Variants in CYP4F12 observed in about 807,000 individuals in gnomAD.
CYP4F12 encodes cytochrome P450 4F12.
In CYP4F12, 60 loss-of-function variants were observed where a neutral mutation model predicts 56.5. That is an observed-to-expected ratio of 1.06 (90% CI 0.86 to 1.32). The LOEUF (loss-of-function observed/expected upper bound fraction) is 1.32, where lower values mean the gene tolerates loss of function less well. Among genes scored for constraint, CYP4F12 ranks in the 40% most tolerant of loss-of-function variants. CYP4F12 has a pLI of 0.00. For synonymous variants in CYP4F12, 263 were observed against 264.9 expected (o/e 0.99, Z 0.07); for missense variants, 711 against 683.5 (o/e 1.04, Z -0.45).
intron 8 of CYP4F12, 36 bp from the exon 9 acceptor site, chr19:15,685,032 C>T (rs2018030): frequency 0.94 from 1,502,730 of 1,605,836 alleles, 703,490 homozygotes; most frequent in East Asian, 1. Flanking sequence ...GTCCACCCTC[C>T]GGTGCTGAAG....
rs368118238 is a variant in CYP4F12 at position 15,685,141 on chromosome 19, C to G, written c.1059C>G (p.Arg353=). 1 of 1,614,092 alleles carries G rather than the reference C, an allele frequency of 6.2e-7. No homozygotes were observed. The highest frequency in any genetic ancestry group is 1.3e-5 in the African/African-American group (1 of 74,944). The change falls in exon 9 of 13, where the codon CGC becomes CGG. Residue 353 remains arginine (R), a synonymous_variant. Transcript: ENST00000550308. ...CGAGGCACCCAGAATACCAGGAGCG[C>G]TGCCGACAGGAGGTGCAAGAGCTTC... ...NLARHPEYQE[R]CRQEVQELLK...
chr19:15,694,437 T>C (rs2008026434), intron 9 of CYP4F12, among the ~76,000 whole-genome samples: 1 of 152,210 alleles, frequency 6.6e-6, no homozygotes, highest in Non-Finnish European at 1.5e-5. Flanking sequence ...AGGTATTTTC[T>C]TCTCTTTGAA....
chr19:15,682,663 C>G, intron 6 of CYP4F12, 153 bp downstream of exon 6: 1 of 1,199,716 alleles, frequency 8.3e-7, no homozygotes, highest in Non-Finnish European at 1.2e-6. Flanking sequence ...AAAGTGCTGT[C>G]TTTCCAGGTA....
At chr19:15,690,632 C>T (rs1247037064) in intron 9 of CYP4F12, among the ~76,000 whole-genome samples, 1 of 152,186 alleles carries the variant, frequency 6.6e-6, no homozygotes, top group African/African-American at 2.4e-5. Context: ...TAGGTTCTTG[C>T]AGATTGCCAC....
chr19:15,694,061 T>C (rs1471256907), intron 9 of CYP4F12, among the ~76,000 whole-genome samples: 2 of 152,050 alleles, frequency 1.3e-5, no homozygotes, highest in African/African-American at 4.8e-5. Context: ...TCTGTTTTGG[T>C]ACCAGTACCA....
chr19:15,687,678 A>G (rs630802), intron 9 of CYP4F12, among the ~76,000 whole-genome samples: 44,208 of 151,986 alleles, frequency 0.29, 7,138 homozygotes, highest in African/African-American at 0.42. Context: ...ACTGCTTCCT[A>G]GGTACACATC....
Position 15,678,332 on chromosome 19 carries a change from A to G in CYP4F12, c.270A>G (p.Val90=). 6.2e-7 allele frequency: 1 copy of G among 1,614,178 alleles called. No individual in the cohort carries two copies. The change falls in exon 3 of 13, where the codon GTA becomes GTG. Residue 90 remains valine, a synonymous_variant. Transcript: ENST00000550308. The part of the protein sequence containing the change: ...MSATYSQGFT[V]WLGPIIPFIV... ...CCACCTATTCCCAGGGCTTTACGGT[A>G]TGGCTGGGTCCCATCATCCCCTTCA...
intron 12 of CYP4F12, 138 bp downstream of exon 12, chr19:15,696,650 T>G (rs1225111293): frequency 8.6e-7 from 1 of 1,164,420 alleles, no homozygotes; most frequent in Non-Finnish European, 1.2e-6. Context: ...GTCCATAGAA[T>G]GGGGATGAGT....
intron 2 of CYP4F12, among the ~76,000 whole-genome samples, chr19:15,674,760 C>A (rs1163572349): frequency 8.4e-6 from 1 of 119,224 alleles, no homozygotes; most frequent in Non-Finnish European, 1.8e-5. Flanking sequence ...CAGTTCCATG[C>A]CAAACCTTTC....
rs201200370 is a variant in CYP4F12 at position 15,673,627 on chromosome 19, G to A, written c.98G>A (p.Arg33His). 263 of 1,614,132 alleles carry A rather than the reference G, an allele frequency of 1.6e-4. 1 individual carries two copies. The African/African-American group carries it at 2.9e-3, about 18-fold the overall frequency. ...GTTGTGGGCTCCTGGCTACTCGCCCGCATCCTGGCTTGGACCTATGCCTTC... is the reference window on the plus strand; with the variant it reads ...GTTGTGGGCTCCTGGCTACTCGCCCACATCCTGGCTTGGACCTATGCCTTC... ...LLVVGSWLLA[R>H]ILAWTYAFYN... The change falls in exon 2 of 13, where the codon CGC becomes CAC. Residue 33 changes from arginine to histidine, a missense_variant. Physicochemically the swap from Arg to His is conservative, Grantham distance 29. Transcript: ENST00000550308.
chr19:15,678,630 G>C, intron 3 of CYP4F12: 1 of 560,392 alleles, frequency 1.8e-6, no homozygotes, highest in Non-Finnish European at 3.1e-6. Flanking sequence ...CATGCTTAAG[G>C]ACACGGGTCT....
intron 9 of CYP4F12, among the ~76,000 whole-genome samples, chr19:15,689,758 A>G (rs1415834554): frequency 6.6e-6 from 1 of 152,268 alleles, no homozygotes; most frequent in Non-Finnish European, 1.5e-5. Flanking sequence ...ACACAATGGA[A>G]TACTACTCAG....
Position 15,696,457 on chromosome 19 carries a change from G to A in CYP4F12, c.1342G>A (p.Glu448Lys). The change falls in exon 12 of 13, where the codon GAG becomes AAG. Residue 448 changes from glutamate to lysine, a missense_variant. Physicochemically the swap from Glu to Lys is moderately conservative, Grantham distance 56 (BLOSUM62 1). Transcript: ENST00000550308. ...EVYDPFRFDP[E>K]NSKGRSPLAF... ...CTACGACCCCTTCCGCTTTGACCCA[G>A]AGAACAGCAAGGGGAGGTCACCTCT... is the stretch of plus-strand genomic sequence containing the variant. 6.2e-7 allele frequency: 1 copy of A among 1,614,146 alleles called. No individual in the cohort carries two copies. Among genetic ancestry groups the A allele is most frequent in the Non-Finnish European group, 8.5e-7 (1 of 1,180,032 alleles).
chr19:15,689,300 G>A (rs899727699), intron 9 of CYP4F12, among the ~76,000 whole-genome samples: 4 of 148,728 alleles, frequency 2.7e-5, no homozygotes, highest in African/African-American at 1.0e-4. Context: ...GTGGGCAAAG[G>A]GCATGAACAG....
At chr19:15,696,728 G>A (rs2008159124) in intron 12 of CYP4F12, among the ~76,000 whole-genome samples, 180 bp from the exon 13 acceptor site, 1 of 152,228 alleles carries the variant, frequency 6.6e-6, no homozygotes, top group South Asian at 2.1e-4. Context: ...GCTGGGAGCT[G>A]GAGTCAGGCC....
chr19:15,692,663 G>C (rs2007924580), intron 9 of CYP4F12, among the ~76,000 whole-genome samples: 1 of 152,100 alleles, frequency 6.6e-6, no homozygotes, highest in Non-Finnish European at 1.5e-5. Flanking sequence ...TTCTAAAAGA[G>C]TCCTAAAAGC....
intron 9 of CYP4F12, among the ~76,000 whole-genome samples, chr19:15,687,470 C>T (rs1382356128): frequency 1.3e-5 from 2 of 152,182 alleles, no homozygotes; most frequent in Non-Finnish European, 2.9e-5. Flanking sequence ...GAGGCAATGT[C>T]AGTGTGCCTC....
intron 3 of CYP4F12, among the ~76,000 whole-genome samples, chr19:15,679,508 A>G (rs1446842182): frequency 1.3e-5 from 2 of 152,106 alleles, no homozygotes; most frequent in East Asian, 3.8e-4. Context: ...ATACCTGGTT[A>G]TATCTTTTCT....
chr19:15,680,677 C>T (rs374385810), intron 5 of CYP4F12, 158 bp downstream of exon 5: 2 of 972,470 alleles, frequency 2.1e-6, no homozygotes, highest in African/African-American at 1.6e-5. Context: ...ATGATAATCC[C>T]TACTTGAAAG....
Sources: allele counts gnomAD v4.1 joint callset (sites outside exome capture counted in the v4.1 genomes callset), GRCh38; gene constraint gnomAD v4.1.1; transcripts MANE v1.5; gene names NCBI Gene and HGNC (gene_info 2026-07-23, HGNC 2026-07-21).